Variants in SKAP1 observed in about 807,000 individuals in gnomAD.
SKAP1 encodes src kinase-associated phosphoprotein 1.
SKAP1 carries 44 observed loss-of-function variants against 58.5 expected under a neutral mutation model. The observed-to-expected ratio is 0.75, with a 90% confidence interval of 0.59 to 0.97. The LOEUF (loss-of-function observed/expected upper bound fraction) is 0.97. Among genes scored for constraint, SKAP1 ranks in the 50% least tolerant of loss-of-function variants. The pLI is 0.00. For synonymous variants in SKAP1, 127 were observed against 149.7 expected (o/e 0.85, Z 1.11); for missense variants, 390 against 435.2 (o/e 0.90, Z 0.92).
chr17:48,350,286 G>A lies in SKAP1; in HGVS notation c.179-4280C>T, dbSNP rs185953429. On this transcript the variant is annotated intron_variant, in intron 3 of 12. Coordinates refer to ENST00000336915, the MANE Select transcript of SKAP1 (RefSeq NM_003726.4). ...TTGCTTATTCAATATGTAAAGTCTC[G>A]ATTTTTTTTGTTAGTCTACATCATC... is the stretch of plus-strand genomic sequence containing the variant. Among the ~76,000 whole-genome samples, 515 of 152,128 alleles carry A rather than the reference G, an allele frequency of 3.4e-3. 4 individuals are homozygous for A. Among genetic ancestry groups the A allele is most frequent in the African/African-American group, 0.012 (481 of 41,498 alleles).
intron 4 of SKAP1, among the ~76,000 whole-genome samples, chr17:48,318,941 C>A (rs900382843): frequency 3.9e-5 from 6 of 152,100 alleles, no homozygotes; most frequent in African/African-American, 9.7e-5. Context: ...CTCGAGAATT[C>A]CCAACTTAAT....
chr17:48,141,409 G>A (rs1312754142), intron 11 of SKAP1, among the ~76,000 whole-genome samples: 1 of 148,844 alleles, frequency 6.7e-6, no homozygotes, highest in Non-Finnish European at 1.5e-5. Context: ...TTGAGCCATA[G>A]CCCCTGTTGC....
chr17:48,212,451 A>G (rs2064885071), intron 4 of SKAP1, among the ~76,000 whole-genome samples: 2 of 152,230 alleles, frequency 1.3e-5, no homozygotes, highest in African/African-American at 4.8e-5. Flanking sequence ...GGAGCAGAAC[A>G]ACATATAAGA....
chr17:48,283,507 C>T (rs1430365289), intron 4 of SKAP1, among the ~76,000 whole-genome samples: 3 of 152,152 alleles, frequency 2.0e-5, no homozygotes, highest in African/African-American at 7.2e-5. Flanking sequence ...ATAACCTCTG[C>T]CATCTATGGA....
chr17:48,211,421 TCTC>T (rs1391190159), intron 4 of SKAP1, among the ~76,000 whole-genome samples: 4 of 152,184 alleles, frequency 2.6e-5, no homozygotes, highest in Non-Finnish European at 5.9e-5. Context: ...CTGTACAAAA[TCTC>T]CTATTTTCCA....
chr17:48,362,329 C>T (rs1438603853), intron 3 of SKAP1, among the ~76,000 whole-genome samples: 3 of 152,224 alleles, frequency 2.0e-5, no homozygotes, highest in Admixed American at 6.5e-5. Flanking sequence ...CTCTTCTCAA[C>T]CTATTCCTAT....
chr17:48,345,769 C>T (rs1384866044), intron 4 of SKAP1, 136 bp downstream of exon 4: 2 of 624,620 alleles, frequency 3.2e-6, no homozygotes, highest in Non-Finnish European at 5.7e-6. Flanking sequence ...AATAGTTGTT[C>T]TTTGCAAACT....
intron 4 of SKAP1, among the ~76,000 whole-genome samples, chr17:48,292,116 A>G (rs1247834195): frequency 1.4e-5 from 2 of 139,974 alleles, no homozygotes; most frequent in Non-Finnish European, 3.0e-5. Context: ...AATGAAAATC[A>G]TTAGTTTAGC....
At chr17:48,168,618 T>C (rs1471958115) in intron 10 of SKAP1, among the ~76,000 whole-genome samples, 1 of 152,080 alleles carries the variant, frequency 6.6e-6, no homozygotes, top group Non-Finnish European at 1.5e-5. Context: ...GATAGCGCCA[T>C]TGCACTCCAG....
chr17:48,264,087 T>G (rs1459304734), intron 4 of SKAP1, among the ~76,000 whole-genome samples: 1 of 151,656 alleles, frequency 6.6e-6, no homozygotes, highest in Non-Finnish European at 1.5e-5. Flanking sequence ...AAATCTGACT[T>G]TAGACTACAA....
At chr17:48,434,085 GGTCAT>G (rs2067930309), upstream of SKAP1, among the ~76,000 whole-genome samples, 1 of 152,230 alleles carries the variant, frequency 6.6e-6, no homozygotes, top group Non-Finnish European at 1.5e-5. Context: ...CTGAATGCTG[GGTCAT>G]GACATGTGGC....
the SKAP1 span, among the ~76,000 whole-genome samples, chr17:48,440,235 C>T: frequency 6.6e-6 from 1 of 152,182 alleles, no homozygotes; most frequent in Non-Finnish European, 1.5e-5. Context: ...TTAATTTCTC[C>T]TGCAATGGAA....
intron 12 of SKAP1, among the ~76,000 whole-genome samples, chr17:48,136,039 T>A (rs531120070): frequency 5.6e-4 from 86 of 152,330 alleles, no homozygotes; most frequent in Non-Finnish European, 1.1e-3. Context: ...AATTCTAAGC[T>A]GGACACAGGG....
intron 3 of SKAP1, among the ~76,000 whole-genome samples, chr17:48,353,938 GGAAGAA>G (rs10695123): frequency 8.3e-5 from 12 of 144,734 alleles, no homozygotes; most frequent in Non-Finnish European, 1.1e-4. Context: ...AAGAAGAAGA[GGAAGAA>G]GAAGAAGAAG....
intron 4 of SKAP1, among the ~76,000 whole-genome samples, 177 bp from the exon 5 acceptor site, chr17:48,189,677 CTTTTTTT>C (rs891672689): frequency 1.4e-5 from 2 of 143,506 alleles, no homozygotes; most frequent in Non-Finnish European, 3.1e-5. Context: ...CTTGCTTTTT[CTTTTTTT>C]TTTTTTGAGA....
intron 4 of SKAP1, among the ~76,000 whole-genome samples, chr17:48,210,589 G>A (rs2064860240): frequency 6.6e-6 from 1 of 152,108 alleles, no homozygotes; most frequent in Non-Finnish European, 1.5e-5. Context: ...GTAACCAAAG[G>A]TGACCTGGAA....
chr17:48,168,819 T>G (rs2143345330), intron 10 of SKAP1, among the ~76,000 whole-genome samples: 1 of 152,328 alleles, frequency 6.6e-6, no homozygotes, highest in Admixed American at 6.5e-5. Flanking sequence ...CCTCTATCTT[T>G]TATTGTTACA....
intron 2 of SKAP1, among the ~76,000 whole-genome samples, chr17:48,385,066 G>A (rs2067259262): frequency 6.6e-6 from 1 of 152,194 alleles, no homozygotes; most frequent in African/African-American, 2.4e-5. Flanking sequence ...GAGAATCAAT[G>A]GAGAGTTTTT....
At chr17:48,434,183 C>A (rs2067930700), upstream of SKAP1, among the ~76,000 whole-genome samples, 1 of 152,180 alleles carries the variant, frequency 6.6e-6, no homozygotes, top group African/African-American at 2.4e-5. Flanking sequence ...TTTATTGACT[C>A]TTTTATTGAC....
Sources: gnomAD v4.1 joint callset for allele counts (sites outside exome capture counted in the v4.1 genomes callset) on GRCh38, gnomAD v4.1.1 for gene constraint, MANE v1.5 for transcripts, NCBI Gene and HGNC (gene_info 2026-07-23, HGNC 2026-07-21) for gene names.